Variants in CELSR1 observed in about 807,000 individuals in gnomAD.
CELSR1 encodes the protein adhesion G protein-coupled receptor C1.
CELSR1 carries 110 observed loss-of-function variants against 249.1 expected under a neutral mutation model. That is an observed-to-expected ratio of 0.44 (90% CI 0.38 to 0.52). CELSR1 has a LOEUF of 0.52. CELSR1 is among the 20% of genes least tolerant of loss of function. The pLI is 0.00. For synonymous variants in CELSR1, 2,113 were observed against 1,900.0 expected, an observed-to-expected ratio of 1.11 and a Z score of -2.92; for missense variants, 4,109 against 4,296.4, an observed-to-expected ratio of 0.96 and a Z score of 1.22.
chr22:46,518,421 G>A lies in CELSR1; in HGVS notation c.3544+15206C>T, dbSNP rs1410275933. 6.6e-6 allele frequency among the ~76,000 whole-genome samples: 1 copy of A among 152,238 alleles called. No homozygotes were observed. The highest frequency in any genetic ancestry group is 1.5e-5 in the Non-Finnish European group (1 of 68,048). ...TGCACTGCGACAAGGCAAACCGATGGTGTGCTCGGGCATTCGGGTGGACAG... is the reference window on the plus strand; with the variant it reads ...TGCACTGCGACAAGGCAAACCGATGATGTGCTCGGGCATTCGGGTGGACAG... On this transcript the variant is annotated intron_variant, in intron 1 of 34. Transcript: ENST00000674500. This position sits in a 1 kb window ranked among gnomAD's most constrained non-coding sequence, Gnocchi z 5.2.
rs1397575783 is a variant in CELSR1 at position 46,473,043 on chromosome 22, G to A, written c.3545-8698C>T. On this transcript the variant is annotated intron_variant, in intron 1 of 34. Transcript: ENST00000674500. The surrounding 1 kb of genome is among the most constrained non-coding windows in gnomAD (Gnocchi z 6.6). ...GACGTTAGTCAACCCCGGGAATGCA[G>A]AGTAGCGGAGAGACACGGGCACGGA... Among the ~76,000 whole-genome samples, 1 of 152,180 alleles carries A rather than the reference G, an allele frequency of 6.6e-6. No individual in the cohort carries two copies. The highest frequency in any genetic ancestry group is 1.5e-5 in the Non-Finnish European group (1 of 68,032).
At chr22:46,485,752 T>C (rs1304227141) in intron 1 of CELSR1, among the ~76,000 whole-genome samples, 1 of 151,960 alleles carries the variant, frequency 6.6e-6, no homozygotes. Flanking sequence ...CCTCCCACAG[T>C]CTGGGGAAAT....
rs2080174165 is a variant in CELSR1, at chr22:46,473,251, A to T, written c.3545-8906T>A. 6.6e-6 allele frequency among the ~76,000 whole-genome samples: 1 copy of T among 152,162 alleles called. No individual in the cohort carries two copies. The highest frequency in any genetic ancestry group is 1.5e-5 in the Non-Finnish European group (1 of 68,016). ...CACAAAGAAGCTGAATGTGCCTGGT[A>T]AGGTGACTCGGGCTGAGTGGCGGGG... On this transcript the variant is annotated intron_variant, in intron 1 of 34. Coordinates refer to ENST00000674500, the MANE Select transcript of CELSR1 (RefSeq NM_001378328.1). The surrounding 1 kb of genome is among the most constrained non-coding windows in gnomAD (Gnocchi z 6.6).
chr22:46,506,477 C>T lies in CELSR1; in HGVS notation c.3544+27150G>A, dbSNP rs1012647102. On this transcript the variant is annotated intron_variant, in intron 1 of 34. Transcript: ENST00000674500. This position sits in a 1 kb window ranked among gnomAD's most constrained non-coding sequence, Gnocchi z 4.1. ...TTGTGTATCACAGTCCAGCAAGAGT[C>T]CAGCCCAACCGGCCCTGCCTCAGGT... Among the ~76,000 whole-genome samples the T allele has an allele frequency of 1.1e-4, 17 of 152,212 alleles. No homozygotes were observed. Among genetic ancestry groups the T allele is most frequent in the African/African-American group, 4.1e-4 (17 of 41,442 alleles).
rs11703679 is a variant in CELSR1, at chr22:46,394,132, G to A, written c.5964+10C>T. On this transcript the variant is annotated intron_variant, in intron 14 of 34. Transcript: ENST00000674500. Reference sequence around the variant, plus strand: ...CACAGCATGCAGGGATCATGGGGGCGGGGCCTCACCTTGCATTGGCACTGG... The same window carrying A: ...CACAGCATGCAGGGATCATGGGGGCAGGGCCTCACCTTGCATTGGCACTGG... 11 of 1,612,214 alleles carry A rather than the reference G, an allele frequency of 6.8e-6. No individual in the cohort carries two copies. Among genetic ancestry groups the A allele is most frequent in the South Asian group, 3.3e-5 (3 of 90,918 alleles).
At chr22:46,384,820 C>T (rs1325775871) in intron 19 of CELSR1, 134 bp from the exon 20 acceptor site, 21 of 971,802 alleles carry the variant, frequency 2.2e-5, no homozygotes, top group East Asian at 1.2e-4. Context: ...GGTGGAGTCT[C>T]GCAGTGTCTC....
At chr22:46,405,517 G>C (rs942133766) in intron 9 of CELSR1, among the ~76,000 whole-genome samples, 15 of 148,894 alleles carry the variant, frequency 1.0e-4, no homozygotes, top group African/African-American at 3.7e-4. Flanking sequence ...CTTGCTTAAA[G>C]AACTCCAAAG....
rs1174919357 is a variant in CELSR1 at position 46,399,059 on chromosome 22, G to T, written c.5413-422C>A. Among the ~76,000 whole-genome samples, 1 of 152,192 alleles carries T rather than the reference G, an allele frequency of 6.6e-6. No individual in the cohort carries two copies. The highest frequency in any genetic ancestry group is 2.4e-5 in the African/African-American group (1 of 41,446). ...CTGAGATCCAGTCCCAGAAAGGCAG[G>T]TGCCTGGAACACACCTATTTACTCC... On this transcript the variant is annotated intron_variant, in intron 10 of 34. Transcript: ENST00000674500. The surrounding 1 kb of genome is among the most constrained non-coding windows in gnomAD (Gnocchi z 5.0).
intron 2 of CELSR1, among the ~76,000 whole-genome samples, chr22:46,443,102 G>GAAA (rs796295650): frequency 7.8e-6 from 1 of 128,132 alleles, no homozygotes; most frequent in African/African-American, 2.8e-5. Context: ...CGTCTCTTAA[G>GAAA]AAAAAAAAAA....
intron 5 of CELSR1, among the ~76,000 whole-genome samples, chr22:46,426,822 G>A (rs561683123): frequency 1.3e-5 from 2 of 152,318 alleles, no homozygotes; most frequent in Admixed American, 6.5e-5. Context: ...GACCCCAGAC[G>A]CTGCCATTTA....
rs1602228883 is a variant in CELSR1, at chr22:46,512,503, C to T, written c.3544+21124G>A. ...ACGAGAATTGCTTGAACCCGGGAGGCGGAGGTTTCAGTGAGCCGAGATCAC... is the reference window on the plus strand; with the variant it reads ...ACGAGAATTGCTTGAACCCGGGAGGTGGAGGTTTCAGTGAGCCGAGATCAC... On this transcript the variant is annotated intron_variant, in intron 1 of 34. Transcript: ENST00000674500. The surrounding 1 kb of genome is among the most constrained non-coding windows in gnomAD (Gnocchi z 5.2). 6.6e-6 allele frequency among the ~76,000 whole-genome samples: 1 copy of T among 150,810 alleles called. No individual in the cohort carries two copies. Among genetic ancestry groups the T allele is most frequent in the African/African-American group, 2.4e-5 (1 of 40,988 alleles).
At chr22:46,528,473 G>GACAT (rs571232947) in intron 1 of CELSR1, among the ~76,000 whole-genome samples, 274 of 152,304 alleles carry the variant, frequency 1.8e-3, no homozygotes, top group African/African-American at 6.3e-3. Context: ...GAGAGGCAGG[G>GACAT]ACATCGCCTT....
chr22:46,394,280 G>C lies in CELSR1; in HGVS notation c.5844-18C>G, dbSNP rs2079125634. The C allele has an allele frequency of 6.2e-7, 1 of 1,609,162 alleles. No homozygotes were observed. Among genetic ancestry groups the C allele is most frequent in the South Asian group, 1.1e-5 (1 of 90,650 alleles). On this transcript the variant is annotated intron_variant, in intron 13 of 34. Coordinates refer to ENST00000674500, the MANE Select transcript of CELSR1 (RefSeq NM_001378328.1). ...GGTCGAGTCTGTGGGGAAAATAAGA[G>C]GGCAGCTGGAAGGTTTATGTAACTG...
At position 46,397,706 on chromosome 22, in the gene CELSR1, G is replaced by A. The variant is rs917248715; in HGVS notation, c.5669C>T (p.Ala1890Val). 1.9e-6 allele frequency: 3 copies of A among 1,569,316 alleles called. No homozygotes were observed. Among genetic ancestry groups the A allele is most frequent in the Non-Finnish European group, 2.6e-6 (3 of 1,155,374 alleles). The change falls in exon 12 of 35, where the codon GCC (alanine) becomes GTC (valine). Residue 1890 changes from alanine to valine, a missense_variant. Ala to Val is a moderately conservative substitution (Grantham distance 64, BLOSUM62 0). Transcript: ENST00000674500. Reference protein sequence around the residue: ...PCPPNSRCHDAWEDYSCVCDK... With the variant: ...PCPPNSRCHDVWEDYSCVCDK... ...ACAGACGCAGCTGTAGTCCTCCCAG[G>A]CGTCGTGGCAGCGGCTATTGGGGGG...
intron 19 of CELSR1, among the ~76,000 whole-genome samples, 162 bp from the exon 20 acceptor site, chr22:46,384,848 A>G (rs570663729): frequency 3.7e-4 from 57 of 152,140 alleles, no homozygotes; most frequent in African/African-American, 1.0e-3. Context: ...GGAGTGCAGT[A>G]GCGCAATCTC....
chr22:46,383,967 T>C (rs1322955173), intron 20 of CELSR1, among the ~76,000 whole-genome samples: 1 of 152,166 alleles, frequency 6.6e-6, no homozygotes, highest in African/African-American at 2.4e-5. Flanking sequence ...GGAATTTTTT[T>C]TTTTTGAGAC....
In CELSR1 at chr22:46,512,415, C is replaced by A. The variant is rs563731624; in HGVS notation, c.3544+21212G>T. On this transcript the variant is annotated intron_variant, in intron 1 of 34. Transcript: ENST00000674500. This position sits in a 1 kb window ranked among gnomAD's most constrained non-coding sequence, Gnocchi z 5.2. Reference sequence around the variant, plus strand: ...GTGAAACCCCATCTCTACTAAAATACAAAAAAATTAGCCCGGTGTGGTGGT... The same window carrying A: ...GTGAAACCCCATCTCTACTAAAATAAAAAAAAATTAGCCCGGTGTGGTGGT... Among the ~76,000 whole-genome samples, 127 of 152,222 alleles carry A rather than the reference C, an allele frequency of 8.3e-4. No individual in the cohort carries two copies. The highest frequency in any genetic ancestry group is 6.8e-3 in the Middle Eastern group (2 of 294).
In CELSR1 at chr22:46,423,371, G is replaced by A. The variant is rs1305385055; in HGVS notation, c.4611+10022C>T. 6.6e-6 allele frequency among the ~76,000 whole-genome samples: 1 copy of A among 152,046 alleles called. No homozygotes were observed. Among genetic ancestry groups the A allele is most frequent in the Non-Finnish European group, 1.5e-5 (1 of 68,014 alleles). ...CGCCTGTAATCCCAGCACTTTGGGA[G>A]GCCGAGGGGGGCAGATCACCTGAGG... On this transcript the variant is annotated intron_variant, in intron 5 of 34. Coordinates refer to ENST00000674500, the MANE Select transcript of CELSR1 (RefSeq NM_001378328.1). This position sits in a 1 kb window ranked among gnomAD's most constrained non-coding sequence, Gnocchi z 5.6.
chr22:46,462,143 G>C (rs999713908), intron 2 of CELSR1, among the ~76,000 whole-genome samples: 2 of 152,240 alleles, frequency 1.3e-5, no homozygotes, highest in African/African-American at 4.8e-5. Context: ...CCGAGCCCCG[G>C]TATAGCCAGG....
Sources: gnomAD v4.1 joint callset for allele counts (sites outside exome capture counted in the v4.1 genomes callset) on GRCh38, gnomAD v4.1.1 for gene constraint, Gnocchi (gnomAD v3.1) non-coding constraint, MANE v1.5 for transcripts, NCBI Gene and HGNC (gene_info 2026-07-23, HGNC 2026-07-21) for gene names.